The following ADGRA3 variants were observed in gnomAD, a reference collection of about 807,000 sequenced individuals.
ADGRA3 encodes the protein G-protein coupled receptor 125.
Under a neutral mutation model 119.8 loss-of-function variants are expected in ADGRA3, and 56 were observed. The ratio of observed to expected loss-of-function variants is 0.47; its 90% CI spans 0.38 to 0.58. The LOEUF (loss-of-function observed/expected upper bound fraction) is 0.58. ADGRA3 is among the 20% of genes least tolerant of loss of function. The probability of loss-of-function intolerance (pLI) is 0.00; values close to 1 mark genes in which losing one functional copy is unlikely to be tolerated. For missense variants in ADGRA3, 1,516 were observed against 1,649.0 expected, an observed-to-expected ratio of 0.92 and a Z score of 1.40; for synonymous variants, 607 against 623.8, an observed-to-expected ratio of 0.97 and a Z score of 0.40.
chr4:22,403,561 T>C (rs2047619), intron 14 of ADGRA3, among the ~76,000 whole-genome samples: 11,689 of 151,686 alleles, frequency 0.077, 812 homozygotes, highest in East Asian at 0.29. Flanking sequence ...ACAGGGAGTT[T>C]GCATCTCCAC....
At chr4:22,489,098 C>T (rs1718538080) in intron 1 of ADGRA3, among the ~76,000 whole-genome samples, 1 of 152,154 alleles carries the variant, frequency 6.6e-6, no homozygotes, top group African/African-American at 2.4e-5. Context: ...CACAGTTCCA[C>T]ATGGCTGGGG....
intron 2 of ADGRA3, 25 bp from the exon 3 acceptor site, chr4:22,461,833 T>C (rs762076521): frequency 1.2e-5 from 18 of 1,468,418 alleles, no homozygotes; most frequent in Non-Finnish European, 1.7e-5. Context: ...ATAAAAGTTA[T>C]TCACATATCA....
intron 14 of ADGRA3, among the ~76,000 whole-genome samples, chr4:22,410,650 A>T (rs182788684): frequency 6.6e-6 from 1 of 152,242 alleles, no homozygotes. Flanking sequence ...TAAGGAAAAA[A>T]GACACTGCTT....
intron 1 of ADGRA3, among the ~76,000 whole-genome samples, chr4:22,496,812 A>G (rs1718843954): frequency 6.6e-6 from 1 of 152,224 alleles, no homozygotes. Context: ...ATACACATAT[A>G]TAAACAGAGT....
intron 12 of ADGRA3, among the ~76,000 whole-genome samples, chr4:22,415,509 G>C (rs1312930886): frequency 6.6e-6 from 1 of 151,980 alleles, no homozygotes; most frequent in Non-Finnish European, 1.5e-5. Flanking sequence ...TTTCCATTAA[G>C]TACACAAATT....
chr4:22,514,051 G>A (rs58212965), intron 1 of ADGRA3, among the ~76,000 whole-genome samples: 12,257 of 151,914 alleles, frequency 0.081, 920 homozygotes, highest in African/African-American at 0.2. Context: ...TGAAATTGTG[G>A]ACACTTTTAG....
intron 1 of ADGRA3, among the ~76,000 whole-genome samples, chr4:22,508,285 T>C (rs537980943): frequency 8.2e-4 from 125 of 152,224 alleles, no homozygotes; most frequent in Middle Eastern, 3.4e-3. Context: ...TCCCAGAATT[T>C]CCCAGACTGG....
At chr4:22,421,881 C>CCAAAAAAAAAAA (rs767609157) in intron 11 of ADGRA3, among the ~76,000 whole-genome samples, 3 of 70,442 alleles carry the variant, frequency 4.3e-5, no homozygotes, top group African/African-American at 1.9e-4. Flanking sequence ...ACTCAGTCTC[C>CCAAAAAAAAAAA]AAAAAAAAAA....
Position 22,388,023 on chromosome 4 carries a change from T to C in ADGRA3, c.3648A>G (p.Gly1216=). The C allele has an allele frequency of 6.2e-7, 1 of 1,614,160 alleles. No individual in the cohort carries two copies. The highest frequency in any genetic ancestry group is 1.3e-5 in the African/African-American group (1 of 75,052). Residue 1216 remains glycine (G), a synonymous_variant, in exon 19 of 19, where the codon GGA becomes GGG. Coordinates refer to ENST00000334304, the MANE Select transcript of ADGRA3 (RefSeq NM_145290.4). The stretch of plus-strand genomic sequence containing the variant: ...AATAAGCTCTTCGGCTCCTCGAGTG[T>C]CCTTCGTTATTGCCCAGCCGGCTTT... ...LPKSRLGNNE[G]HSRSRRAYLA...
At chr4:22,448,265 C>A (rs1157017870) in intron 4 of ADGRA3, among the ~76,000 whole-genome samples, 1 of 152,172 alleles carries the variant, frequency 6.6e-6, no homozygotes, top group East Asian at 1.9e-4. Flanking sequence ...CAGCCAGTAA[C>A]ATGCTGGAAT....
At chr4:22,507,680 G>A (rs1246869004) in intron 1 of ADGRA3, among the ~76,000 whole-genome samples, 1 of 152,128 alleles carries the variant, frequency 6.6e-6, no homozygotes, top group Non-Finnish European at 1.5e-5. Flanking sequence ...TTGAGGCTGG[G>A]TGATAAGCAA....
At chr4:22,426,573 T>C (rs1715941313) in intron 10 of ADGRA3, among the ~76,000 whole-genome samples, 1 of 152,208 alleles carries the variant, frequency 6.6e-6, no homozygotes, top group Non-Finnish European at 1.5e-5. Flanking sequence ...TTCAACCTTA[T>C]AGTCTGGTGA....
intron 1 of ADGRA3, among the ~76,000 whole-genome samples, chr4:22,483,169 C>A (rs942706043): frequency 1.3e-5 from 2 of 152,120 alleles, no homozygotes; most frequent in Non-Finnish European, 2.9e-5. Flanking sequence ...ACTTCTTATG[C>A]CTGCTTCTGT....
rs528086341 is a variant in ADGRA3, at chr4:22,434,316, T to C, written c.1443+995A>G. Among the ~76,000 whole-genome samples, 6 of 151,742 alleles carry C rather than the reference T, an allele frequency of 4.0e-5. No individual in the cohort carries two copies. The East Asian group carries it at 7.7e-4, about 20-fold the overall frequency. Reference sequence around the variant, plus strand: ...GCTTATTATTTACATTTTAGCAATATTAATGGATCTGAGAAGTTCTACATA... The same window carrying C: ...GCTTATTATTTACATTTTAGCAATACTAATGGATCTGAGAAGTTCTACATA... On this transcript the variant is annotated intron_variant, in intron 10 of 18. Coordinates refer to ENST00000334304, the MANE Select transcript of ADGRA3 (RefSeq NM_145290.4).
intron 2 of ADGRA3, among the ~76,000 whole-genome samples, chr4:22,463,472 G>A (rs921371462): frequency 5.9e-5 from 9 of 152,160 alleles, no homozygotes; most frequent in African/African-American, 1.7e-4. Context: ...ATTATTTAGA[G>A]GAAAATCCTC....
rs1719626234 is a variant in ADGRA3 at position 22,515,545 on chromosome 4, G to A, written c.240C>T (p.Pro80=). 6.3e-7 allele frequency: 1 copy of A among 1,598,588 alleles called. No individual in the cohort carries two copies. Among genetic ancestry groups the A allele is most frequent in the African/African-American group, 1.3e-5 (1 of 74,172 alleles). ...ATACTCACAGGGTGACCGTGCGGTT[G>A]GGCAGAGTATCTGGGGGCAGGACCT... ...LAQVLPPDTL[P]NRTVTLILSN... The change falls in exon 1 of 19, where the codon CCC becomes CCT. Residue 80 remains proline, a synonymous_variant. Coordinates refer to ENST00000334304, the MANE Select transcript of ADGRA3 (RefSeq NM_145290.4).
intron 1 of ADGRA3, among the ~76,000 whole-genome samples, chr4:22,500,939 G>A (rs1719029386): frequency 6.6e-6 from 1 of 152,164 alleles, no homozygotes; most frequent in Non-Finnish European, 1.5e-5. Flanking sequence ...AATTCGCTCT[G>A]TGCTAGAGCT....
At chr4:22,461,691 T>C in intron 3 of ADGRA3, 46 bp downstream of exon 3, 1 of 1,280,714 alleles carries the variant, frequency 7.8e-7, no homozygotes, top group South Asian at 1.3e-5. Flanking sequence ...CAGCTATTTA[T>C]ATAAGCAACA....
intron 1 of ADGRA3, among the ~76,000 whole-genome samples, chr4:22,497,716 G>GAGGGAGAAGAATCACTTGAACCAGGA (rs1718888655): frequency 7.2e-6 from 1 of 138,730 alleles, no homozygotes; most frequent in Non-Finnish European, 1.5e-5. Flanking sequence ...CCAGCTACTT[G>GAGGGAGAAGAATCACTTGAACCAGGA]AGGCGTACGT....
Sources: gnomAD v4.1 joint callset for allele counts (sites outside exome capture counted in the v4.1 genomes callset) on GRCh38, gnomAD v4.1.1 for gene constraint, MANE v1.5 for transcripts, NCBI Gene and HGNC (gene_info 2026-07-23, HGNC 2026-07-21) for gene names.